The following RAI2 variants were observed in gnomAD, a reference collection of about 807,000 sequenced individuals.
RAI2 encodes retinoic acid induced 2, also known as retinoic acid-induced protein 2.
A neutral mutation model predicts 15.3 loss-of-function variants in RAI2; 5 were observed. That is an observed-to-expected ratio of 0.33 (90% confidence interval 0.17 to 0.69). The LOEUF is 0.69. Ranked by LOEUF, RAI2 falls within the 30% of genes least tolerant of loss-of-function variation. RAI2 has a pLI of 0.69. For missense variants in RAI2, 424 were observed against 424.7 expected (o/e 1.00, Z 0.01); for synonymous variants, 191 against 184.0 (o/e 1.04, Z -0.31).
rs994354122 is a variant in RAI2 at position 17,800,522 on chromosome X, G to A, written c.1489C>T (p.Pro497Ser). 15 of 1,209,088 alleles carry A rather than the reference G, an allele frequency of 1.2e-5. No homozygotes were observed. The highest frequency in any genetic ancestry group is 1.1e-4 in the African/African-American group (6 of 56,991). ...AACTTTATGCTCCGGTTTTTGATGG[G>A]TTTCCTAAGGGGCTCTGCATTTCCC... The part of the protein sequence containing the change: ...SMGNAEPLRK[P>S]IKNRSIKLKK... Residue 497 changes from proline (P) to serine (S), a missense_variant, in exon 2 of 2, where the codon CCC becomes TCC. Transcript: ENST00000451717.
At chrX:17,802,575 T>C (rs1367908084) in intron 1 of RAI2, among the ~76,000 whole-genome samples, 2 of 112,146 alleles carry the variant, frequency 1.8e-5, no homozygotes, top group Non-Finnish European at 3.8e-5. Context: ...TCATTACAGT[T>C]GTCTCTCTGT....
At chrX:17,844,438 G>C (rs1434743397) in intron 1 of RAI2, among the ~76,000 whole-genome samples, 3 of 112,743 alleles carry the variant, frequency 2.7e-5, no homozygotes, top group Non-Finnish European at 5.6e-5. Flanking sequence ...AAGCAAGCTT[G>C]GTGGCTGCCT....
intron 1 of RAI2, among the ~76,000 whole-genome samples, chrX:17,832,009 TA>T (rs1369673624): frequency 1.8e-5 from 2 of 112,356 alleles, no homozygotes; most frequent in Non-Finnish European, 3.8e-5. Context: ...CATTGCACTG[TA>T]TTGTAATCAC....
chrX:17,826,487 C>T (rs1378341324), intron 1 of RAI2, among the ~76,000 whole-genome samples: 2 of 110,846 alleles, frequency 1.8e-5, no homozygotes, highest in African/African-American at 3.3e-5. Context: ...ATAGACAATG[C>T]TCAATGAATA....
At chrX:17,834,464 CG>C (rs1182144626) in intron 1 of RAI2, among the ~76,000 whole-genome samples, 37 of 108,822 alleles carry the variant, frequency 3.4e-4, no homozygotes, top group African/African-American at 1.2e-3. Context: ...AAAAATGATT[CG>C]TTTTTTTTTT....
intron 1 of RAI2, among the ~76,000 whole-genome samples, chrX:17,825,392 G>T (rs982234768): frequency 8.9e-6 from 1 of 112,735 alleles, no homozygotes; most frequent in African/African-American, 3.2e-5. Context: ...AGGTTAAGGG[G>T]CTGGATGGAC....
intron 1 of RAI2, among the ~76,000 whole-genome samples, chrX:17,830,120 A>G (rs1222443822): frequency 8.9e-6 from 1 of 112,528 alleles, no homozygotes; most frequent in Non-Finnish European, 1.9e-5. Flanking sequence ...ATGGTGTAAT[A>G]GAATGAAAAC....
intron 1 of RAI2, among the ~76,000 whole-genome samples, chrX:17,831,583 T>C (rs1267061545): frequency 1.8e-5 from 2 of 111,949 alleles, no homozygotes; most frequent in African/African-American, 3.3e-5. Flanking sequence ...ATCTACATGA[T>C]CTGAAAACTT....
At chrX:17,822,720 G>A (rs1470629656) in intron 1 of RAI2, among the ~76,000 whole-genome samples, 5 of 112,363 alleles carry the variant, frequency 4.4e-5, no homozygotes, top group African/African-American at 1.6e-4. Flanking sequence ...TTTCTTATGA[G>A]GACAATTCTA....
In RAI2 at chrX:17,800,499, C is replaced by G. The variant is rs1209947922; in HGVS notation, c.1512G>C (p.Lys504Asn). 3.3e-6 allele frequency: 4 copies of G among 1,211,051 alleles called. No homozygotes were observed. The highest frequency in any genetic ancestry group is 4.5e-6 in the Non-Finnish European group (4 of 895,303). ...LRKPIKNRSI[K>N]LKKVNSQEIH... ...TTTCCTGGGAGTTCACTTTCTTTAACTTTATGCTCCGGTTTTTGATGGGTT... is the reference window on the plus strand; with the variant it reads ...TTTCCTGGGAGTTCACTTTCTTTAAGTTTATGCTCCGGTTTTTGATGGGTT... Residue 504 changes from lysine (K) to asparagine (N), a missense_variant, in exon 2 of 2, where the codon AAG (lysine) becomes AAC (asparagine). By Grantham distance (94) the Lys-to-Asn change is moderately conservative. Coordinates refer to ENST00000451717, the MANE Select transcript of RAI2 (RefSeq NM_021785.6).
At chrX:17,860,986 C>T (rs1226852224) in intron 1 of RAI2, 112 bp downstream of exon 1, 1 of 105,184 alleles carries the variant, frequency 9.5e-6, no homozygotes. Flanking sequence ...TCCCCGGGCG[C>T]CGGGCCCCGC....
rs960271454 is a variant in RAI2 at position 17,855,264 on chromosome X, C to G, written c.-25+5834G>C. Among the ~76,000 whole-genome samples the G allele has an allele frequency of 1.3e-4, 14 of 111,742 alleles. 1 individual carries two copies. The highest frequency in any genetic ancestry group is 4.6e-4 in the African/African-American group (14 of 30,663). ...AAGGCTGGCCCTGGCCCTAAATAACCCACTGTCAGCATGAGGGTGTCTACT... is the reference window on the plus strand; with the variant it reads ...AAGGCTGGCCCTGGCCCTAAATAACGCACTGTCAGCATGAGGGTGTCTACT... On this transcript the variant is annotated intron_variant, in intron 1 of 1. Coordinates refer to ENST00000451717, the MANE Select transcript of RAI2 (RefSeq NM_021785.6).
At chrX:17,810,483 T>A (rs1172342463) in intron 1 of RAI2, among the ~76,000 whole-genome samples, 1 of 112,838 alleles carries the variant, frequency 8.9e-6, no homozygotes, top group African/African-American at 3.2e-5. Context: ...GAACTTTTCA[T>A]GACTGTTGGA....
chrX:17,860,943 C>T (rs1285390159), intron 1 of RAI2, among the ~76,000 whole-genome samples, 155 bp downstream of exon 1: 1 of 104,811 alleles, frequency 9.5e-6, no homozygotes, highest in Non-Finnish European at 2.0e-5. Flanking sequence ...GCCCCGGCCT[C>T]CGGGCGCCGT....
chrX:17,833,693 G>A (rs1029035566), intron 1 of RAI2, among the ~76,000 whole-genome samples: 1 of 111,854 alleles, frequency 8.9e-6, no homozygotes, highest in African/African-American at 3.3e-5. Flanking sequence ...TTATATGAAC[G>A]TACACATAGG....
At position 17,801,731 on chromosome X, in the gene RAI2, T is replaced by A. The variant is rs1476464418; in HGVS notation, c.280A>T (p.Met94Leu). 27 of 1,211,832 alleles carry A rather than the reference T, an allele frequency of 2.2e-5. No homozygotes were observed. Among genetic ancestry groups the A allele is most frequent in the Non-Finnish European group, 3.0e-5 (27 of 895,528 alleles). ...GGTGCGGAGCTTCCCTCCACCTGCA[T>A]GTGAATGGGCATCACCACTGGGCTC... Reference protein sequence around the residue: ...GESPVVMPIHMQVEGSSAPEL... With the variant: ...GESPVVMPIHLQVEGSSAPEL... The change falls in exon 2 of 2, where the codon ATG (methionine) becomes TTG (leucine). Residue 94 changes from methionine to leucine, a missense_variant. Met to Leu is a conservative substitution (Grantham distance 15, BLOSUM62 2). Coordinates refer to ENST00000451717, the MANE Select transcript of RAI2 (RefSeq NM_021785.6).
intron 1 of RAI2, among the ~76,000 whole-genome samples, chrX:17,838,680 AC>A (rs2067364128): frequency 1.8e-5 from 2 of 110,291 alleles, no homozygotes; most frequent in Admixed American, 1.9e-4. Flanking sequence ...ACACACACAC[AC>A]ACAAAACACA....
chrX:17,840,123 C>T (rs2147264523), intron 1 of RAI2, among the ~76,000 whole-genome samples: 1 of 112,117 alleles, frequency 8.9e-6, no homozygotes, highest in East Asian at 2.8e-4. Flanking sequence ...TTACTTTTTT[C>T]AGTCAGAAAG....
chrX:17,804,947 C>T (rs1356854706), intron 1 of RAI2, among the ~76,000 whole-genome samples: 1 of 112,988 alleles, frequency 8.9e-6, no homozygotes, highest in Non-Finnish European at 1.9e-5. Context: ...GGCAGGCGGC[C>T]TCCCTCAGGC....
Sources: allele counts gnomAD v4.1 joint callset (sites outside exome capture counted in the v4.1 genomes callset), GRCh38; gene constraint gnomAD v4.1.1; transcripts MANE v1.5; gene names NCBI Gene and HGNC (gene_info 2026-07-23, HGNC 2026-07-21).